AADAT: variants seen among roughly 807,000 people sequenced by gnomAD.
AADAT encodes kynurenine/alpha-aminoadipate aminotransferase, mitochondrial.
A neutral mutation model predicts 56.2 loss-of-function variants in AADAT; 25 were observed. That is an observed-to-expected ratio of 0.44 (90% CI 0.32 to 0.62). The LOEUF is 0.62. Ranked by LOEUF, AADAT falls within the 20% of genes least tolerant of loss-of-function variation. AADAT has a pLI of 0.04. For synonymous variants in AADAT, 173 were observed against 164.7 expected (o/e 1.05, Z -0.39); for missense variants, 387 against 510.5 (o/e 0.76, Z 2.33).
rs1731158307 is a variant in AADAT, at chr4:170,060,894, TG to T, written c.*33del. 2.6e-6 allele frequency: 4 copies of T among 1,523,240 alleles called. No individual in the cohort carries two copies. The South Asian group carries it at 4.9e-5, about 19-fold the overall frequency. 94.4% of individuals were successfully genotyped at this position (1,523,240 alleles called of 1,614,324 possible). A position where few individuals can be genotyped will look rare whatever the true frequency, so the allele number is the denominator to read the frequency against. On this transcript the variant is annotated 3_prime_UTR_variant, in exon 13 of 13. Transcript: ENST00000337664. ...CCTCCCAAAGTGCTGGGATTATAGG[TG>T]TGAGCCACCATGCCCAACCTAGTTT...
chr4:170,068,602 T>A lies in AADAT; in HGVS notation c.889A>T (p.Thr297Ser). Reference sequence around the variant, plus strand: ...TAAATTGTCCTTACCTGGTTAAAAGTGCTGGGGTGCAATGTTGAAACTTGT... The same window carrying A: ...TAAATTGTCCTTACCTGGTTAAAAGAGCTGGGGTGCAATGTTGAAACTTGT... ...HIQVSTLHPS[T>S]FNQLMISQLL... Residue 297 changes from threonine (T) to serine (S), a missense_variant, in exon 8 of 13, where the codon ACT becomes TCT. Physicochemically the swap from Thr to Ser is moderately conservative, Grantham distance 58. Coordinates refer to ENST00000337664, the MANE Select transcript of AADAT (RefSeq NM_016228.4). The A allele has an allele frequency of 6.2e-7, 1 of 1,601,268 alleles. No individual in the cohort carries two copies. The highest frequency in any genetic ancestry group is 8.5e-7 in the Non-Finnish European group (1 of 1,176,804).
chr4:170,063,818 T>C (rs1374627777), intron 11 of AADAT, among the ~76,000 whole-genome samples: 1 of 152,182 alleles, frequency 6.6e-6, no homozygotes, highest in African/African-American at 2.4e-5. Flanking sequence ...CTGACAAACA[T>C]GCAAATGGCT....
At chr4:170,065,212 A>T (rs1731390292) in intron 10 of AADAT, among the ~76,000 whole-genome samples, 2 of 152,338 alleles carry the variant, frequency 1.3e-5, no homozygotes, top group South Asian at 2.1e-4. Flanking sequence ...GGATTCTTCC[A>T]GCATTACAAC....
intron 3 of AADAT, 25 bp downstream of exon 3, chr4:170,087,091 G>A: frequency 6.2e-7 from 1 of 1,612,514 alleles, no homozygotes; most frequent in Non-Finnish European, 8.5e-7. Flanking sequence ...TCTACATTTT[G>A]GCTGAGTTTT....
At position 170,089,916 on chromosome 4, in the gene AADAT, T is replaced by C. The variant is rs1732751540; in HGVS notation, c.-226A>G. 1 of 465,186 alleles carries C rather than the reference T, an allele frequency of 2.1e-6. No homozygotes were observed. Among genetic ancestry groups the C allele is most frequent in the Non-Finnish European group, 3.8e-6 (1 of 263,664 alleles). 28.8% of individuals were successfully genotyped at this position (465,186 alleles called of 1,614,324 possible). A position where few individuals can be genotyped will look rare whatever the true frequency, so the allele number is the denominator to read the frequency against. ...TCCCGGTCCTAAACGGGTCTGGGGC[T>C]GTGTGGCGAGCCCGGCAAAGTCCAC... On this transcript the variant is annotated 5_prime_UTR_variant, in exon 1 of 13. Transcript: ENST00000337664.
At chr4:170,091,627 C>T (rs184568145), upstream of AADAT, 85 of 153,134 alleles carry the variant, frequency 5.6e-4, 1 homozygote, top group East Asian at 3.1e-3. Context: ...GCTCACAGCC[C>T]GGGACTGGCA....
Position 170,089,821 on chromosome 4 carries a change from C to T in AADAT, c.-131G>A. 2 of 916,636 alleles carry T rather than the reference C, an allele frequency of 2.2e-6. No individual in the cohort carries two copies. The highest frequency in any genetic ancestry group is 3.4e-6 in the Non-Finnish European group (2 of 595,660). 56.8% of individuals were successfully genotyped at this position (916,636 alleles called of 1,614,324 possible). ...CACCGCGAGATGTGTCCCCCCGCTG[C>T]GTCTGGCTTCCCGCGCGCGGTGCCC... On this transcript the variant is annotated 5_prime_UTR_variant, in exon 1 of 13. Coordinates refer to ENST00000337664, the MANE Select transcript of AADAT (RefSeq NM_016228.4).
chr4:170,089,231 A>G (rs368653311), intron 1 of AADAT: 10 of 414,118 alleles, frequency 2.4e-5, no homozygotes, highest in Non-Finnish European at 4.1e-5. Flanking sequence ...CCTGTCTGTG[A>G]GCTTCATGGC....
intron 2 of AADAT, 77 bp from the exon 3 acceptor site, chr4:170,087,325 A>G (rs929002488): frequency 2.1e-6 from 3 of 1,400,012 alleles, no homozygotes; most frequent in African/African-American, 2.9e-5. Flanking sequence ...ATAATAAATG[A>G]CAGCTTTATC....
chr4:170,083,947 G>A (rs1257810764), intron 3 of AADAT, among the ~76,000 whole-genome samples: 1 of 152,076 alleles, frequency 6.6e-6, no homozygotes, highest in Non-Finnish European at 1.5e-5. Context: ...TGTTTATTAT[G>A]GCACTTATTC....
chr4:170,069,147 C>T lies in AADAT; in HGVS notation c.803+1G>A. 3 of 1,613,232 alleles carry T rather than the reference C, an allele frequency of 1.9e-6. No individual in the cohort carries two copies. Among genetic ancestry groups the T allele is most frequent in the Non-Finnish European group, 2.5e-6 (3 of 1,179,526 alleles). ...GTCAAGTTAGAGACACAGGGCCTTA[C>T]CCAGAGGAAATGATTTTTGAAAAAG... On this transcript the variant is annotated splice_donor_variant, in intron 7 of 12. Coordinates refer to ENST00000337664, the MANE Select transcript of AADAT (RefSeq NM_016228.4). LOFTEE classifies it high-confidence loss of function.
chr4:170,069,981 C>A (rs902157796), intron 6 of AADAT, among the ~76,000 whole-genome samples: 5 of 152,092 alleles, frequency 3.3e-5, no homozygotes, highest in Non-Finnish European at 7.4e-5. Context: ...TGAAAGGTAG[C>A]TCACATACAT....
chr4:170,087,838 A>G (rs1053143677), intron 2 of AADAT, among the ~76,000 whole-genome samples: 14 of 151,896 alleles, frequency 9.2e-5, no homozygotes, highest in African/African-American at 2.7e-4. Flanking sequence ...TTAAGAAATT[A>G]AAGACATTTG....
intron 4 of AADAT, 25 bp downstream of exon 4, chr4:170,078,484 G>C (rs1732144579): frequency 1.4e-6 from 2 of 1,449,948 alleles, no homozygotes; most frequent in Admixed American, 3.5e-5. Flanking sequence ...CAAGAGAGTT[G>C]CCTTTAGTAA....
chr4:170,078,734 G>T, intron 3 of AADAT, 151 bp from the exon 4 acceptor site: 1 of 446,358 alleles, frequency 2.2e-6, no homozygotes. Context: ...ACACTTTGCG[G>T]GTCATAGTAT....
At chr4:170,074,640 G>T (rs1367784226) in intron 4 of AADAT, among the ~76,000 whole-genome samples, 3 of 152,100 alleles carry the variant, frequency 2.0e-5, no homozygotes, top group East Asian at 1.9e-4. Flanking sequence ...TAGGCCCCCT[G>T]TTATGCCGAC....
chr4:170,091,706 G>C (rs1046530000), upstream of AADAT: 6 of 152,494 alleles, frequency 3.9e-5, no homozygotes, highest in Non-Finnish European at 7.3e-5. Flanking sequence ...GAGTCTAGAG[G>C]AGACTTGGAG....
At chr4:170,073,777 C>A (rs564782960) in intron 4 of AADAT, among the ~76,000 whole-genome samples, 6 of 152,106 alleles carry the variant, frequency 3.9e-5, no homozygotes, top group South Asian at 2.1e-4. Context: ...AGGATTACAG[C>A]CGTGAGCTGC....
At chr4:170,062,514 G>A (rs1182633380) in intron 11 of AADAT, among the ~76,000 whole-genome samples, 1 of 152,128 alleles carries the variant, frequency 6.6e-6, no homozygotes, top group Admixed American at 6.6e-5. Context: ...CTGAAAGGAG[G>A]TAAAAAATGT....
Sources: gnomAD v4.1 joint callset for allele counts (sites outside exome capture counted in the v4.1 genomes callset) on GRCh38, gnomAD v4.1.1 for gene constraint, MANE v1.5 for transcripts, NCBI Gene and HGNC (gene_info 2026-07-23, HGNC 2026-07-21) for gene names.